EPHB1: variants seen among roughly 807,000 people sequenced by gnomAD.
EPHB1 encodes ephrin type-B receptor 1.
Under a neutral mutation model 94.4 loss-of-function variants are expected in EPHB1, and 30 were observed. The observed-to-expected ratio is 0.32, with a 90% CI of 0.24 to 0.43. EPHB1 has a LOEUF of 0.43. Among genes scored for constraint, EPHB1 ranks in the 20% least tolerant of loss-of-function variants. EPHB1 has a pLI of 1.00. For missense variants in EPHB1, 1,055 were observed against 1,308.3 expected (o/e 0.81, Z 2.99); for synonymous variants, 522 against 489.1 (o/e 1.07, Z -0.89).
At chr3:135,080,736 A>G (rs1254584561) in intron 3 of EPHB1, among the ~76,000 whole-genome samples, 2 of 152,132 alleles carry the variant, frequency 1.3e-5, no homozygotes, top group East Asian at 3.9e-4. Context: ...TGAGCTACTT[A>G]ACCTCTCTGT....
intron 4 of EPHB1, among the ~76,000 whole-genome samples, chr3:135,112,873 A>G (rs536387403): frequency 2.6e-5 from 4 of 152,308 alleles, no homozygotes; most frequent in Admixed American, 6.5e-5. Flanking sequence ...ACAAGTGTTT[A>G]CTTGGGTTAA....
At chr3:135,172,290 C>A (rs1362172493) in intron 9 of EPHB1, among the ~76,000 whole-genome samples, 1 of 152,208 alleles carries the variant, frequency 6.6e-6, no homozygotes, top group East Asian at 1.9e-4. Flanking sequence ...TTGTTGGCTT[C>A]ATGAGATTAA....
At chr3:134,962,867 T>C (rs1468157971) in intron 3 of EPHB1, among the ~76,000 whole-genome samples, 1 of 151,924 alleles carries the variant, frequency 6.6e-6, no homozygotes, top group Non-Finnish European at 1.5e-5. Flanking sequence ...CCCAAATCAG[T>C]CTCATCCCCT....
chr3:135,198,078 C>T (rs1446556459), intron 11 of EPHB1, among the ~76,000 whole-genome samples: 1 of 147,698 alleles, frequency 6.8e-6, no homozygotes, highest in Non-Finnish European at 1.5e-5. Flanking sequence ...ATGGCAAAAG[C>T]ACAGGATAGG....
intron 3 of EPHB1, among the ~76,000 whole-genome samples, chr3:135,036,034 G>A (rs549652069): frequency 9.9e-5 from 15 of 152,172 alleles, no homozygotes; most frequent in African/African-American, 2.2e-4. Context: ...CCATCCACTC[G>A]TCTCTCCATC....
chr3:135,169,682 A>G (rs554655417), intron 9 of EPHB1, among the ~76,000 whole-genome samples: 1 of 152,322 alleles, frequency 6.6e-6, no homozygotes, highest in African/African-American at 2.4e-5. Flanking sequence ...TAGGGGTAGA[A>G]GTAAGGGGTT....
At chr3:134,924,193 A>G (rs765688763) in intron 1 of EPHB1, among the ~76,000 whole-genome samples, 1 of 152,256 alleles carries the variant, frequency 6.6e-6, no homozygotes, top group Non-Finnish European at 1.5e-5. Context: ...GGGTTAGGCA[A>G]AGATTTTTCA....
intron 5 of EPHB1, among the ~76,000 whole-genome samples, chr3:135,151,786 A>G (rs1330902727): frequency 1.3e-5 from 2 of 152,200 alleles, no homozygotes; most frequent in African/African-American, 4.8e-5. Context: ...TACTAAACCA[A>G]TAGGCCAAAT....
rs905253838 is a variant in EPHB1, at chr3:135,166,154, T to A, written c.1694+78T>A. The A allele has an allele frequency of 9.3e-5, 98 of 1,050,626 alleles. No homozygotes were observed. The Admixed American group carries it at 1.2e-3, about 13-fold the overall frequency. 65.1% of individuals were successfully genotyped at this position (1,050,626 alleles called of 1,614,324 possible). ...TGTGCCGTTTCCCAGGCTGCGTGGA[T>A]CAGATAGGGTGTGACCATTCACGAC... On this transcript the variant is annotated intron_variant, in intron 8 of 15. Transcript: ENST00000398015.
chr3:135,143,338 G>A (rs906954488), intron 5 of EPHB1, among the ~76,000 whole-genome samples: 3 of 152,104 alleles, frequency 2.0e-5, no homozygotes, highest in African/African-American at 7.2e-5. Context: ...GGACCTTCAG[G>A]CCAGAAGACT....
chr3:134,805,353 G>A (rs993740733), intron 1 of EPHB1, among the ~76,000 whole-genome samples: 15 of 152,150 alleles, frequency 9.9e-5, no homozygotes, highest in Admixed American at 5.2e-4. Flanking sequence ...AAAATCCACC[G>A]CATTTTGGAC....
intron 4 of EPHB1, among the ~76,000 whole-genome samples, chr3:135,109,552 G>T (rs1438874018): frequency 6.6e-6 from 1 of 152,252 alleles, no homozygotes; most frequent in Non-Finnish European, 1.5e-5. Context: ...TCCAGCATGA[G>T]AGGATGTTGG....
At chr3:135,001,209 C>G (rs1010105181) in intron 3 of EPHB1, among the ~76,000 whole-genome samples, 1 of 152,078 alleles carries the variant, frequency 6.6e-6, no homozygotes, top group Non-Finnish European at 1.5e-5. Flanking sequence ...GGAGCCTGCA[C>G]CTTCCATCTT....
At chr3:134,958,478 A>G (rs554361913) in intron 3 of EPHB1, among the ~76,000 whole-genome samples, 2 of 151,150 alleles carry the variant, frequency 1.3e-5, no homozygotes, top group South Asian at 2.1e-4. Context: ...GCCACATTCA[A>G]GGGCACCAAG....
intron 3 of EPHB1, among the ~76,000 whole-genome samples, chr3:134,969,336 G>A (rs1383353402): frequency 2.0e-5 from 3 of 152,124 alleles, no homozygotes; most frequent in Non-Finnish European, 4.4e-5. Context: ...GTCTCTTCTA[G>A]GTTTTTGCCC....
At chr3:135,152,420 G>A (rs1358759397) in intron 5 of EPHB1, among the ~76,000 whole-genome samples, 1 of 152,224 alleles carries the variant, frequency 6.6e-6, no homozygotes, top group Non-Finnish European at 1.5e-5. Flanking sequence ...ATTCCCAACA[G>A]GGAAGTTGTA....
intron 3 of EPHB1, among the ~76,000 whole-genome samples, chr3:135,068,439 A>G (rs1937612727): frequency 6.6e-6 from 1 of 151,940 alleles, no homozygotes; most frequent in African/African-American, 2.4e-5. Flanking sequence ...GCATCTTTTC[A>G]TGTGTTTACT....
At chr3:134,985,889 G>A (rs1454285140) in intron 3 of EPHB1, among the ~76,000 whole-genome samples, 1 of 152,092 alleles carries the variant, frequency 6.6e-6, no homozygotes, top group Non-Finnish European at 1.5e-5. Context: ...TACAGTTTAA[G>A]CCTGAATCAC....
chr3:134,845,681 C>T (rs1166852857), intron 1 of EPHB1, among the ~76,000 whole-genome samples: 1 of 152,178 alleles, frequency 6.6e-6, no homozygotes, highest in African/African-American at 2.4e-5. Context: ...AGGAGATATC[C>T]CAGCAGACCT....
Sources: allele counts gnomAD v4.1 joint callset (sites outside exome capture counted in the v4.1 genomes callset), GRCh38; gene constraint gnomAD v4.1.1; transcripts MANE v1.5; gene names NCBI Gene and HGNC (gene_info 2026-07-23, HGNC 2026-07-21).